The following MYCBP2 variants were observed in gnomAD, a reference collection of about 807,000 sequenced individuals.
MYCBP2 encodes the protein E3 ubiquitin-protein ligase MYCBP2.
In MYCBP2, 120 loss-of-function variants were observed where a neutral mutation model predicts 525.3. The observed-to-expected ratio is 0.23, with a 90% CI of 0.20 to 0.27. The LOEUF (loss-of-function observed/expected upper bound fraction) is 0.27. Ranked by LOEUF, MYCBP2 falls within the 10% of genes least tolerant of loss-of-function variation. MYCBP2 has a pLI of 1.00. For synonymous variants in MYCBP2, 1,894 were observed against 1,955.8 expected, an observed-to-expected ratio of 0.97 and a Z score of 0.83; for missense variants, 4,149 against 5,657.1, an observed-to-expected ratio of 0.73 and a Z score of 8.55.
chr13:77,289,513 G>GA (rs984966355), intron 2 of MYCBP2, among the ~76,000 whole-genome samples: 106 of 143,508 alleles, frequency 7.4e-4, no homozygotes, highest in African/African-American at 1.5e-3. Flanking sequence ...ATTCATGATA[G>GA]AAAAAAAAAA....
rs559513874 is a variant in MYCBP2, at chr13:77,160,089, G to A, written c.6597+1817C>T. Among the ~76,000 whole-genome samples, 156 of 143,084 alleles carry A rather than the reference G, an allele frequency of 1.1e-3. 1 individual carries two copies. The highest frequency in any genetic ancestry group is 3.6e-3 in the Middle Eastern group (1 of 278). 93.9% of individuals were successfully genotyped at this position (143,084 alleles called of 152,430 possible). On this transcript the variant is annotated intron_variant, in intron 44 of 82. Transcript: ENST00000544440. ...ACTTTTTTTTTTTTTTTTTTGAGAC[G>A]GCGTTTCACTCTTGTTGCCTGGGCT...
rs1160924844 is a variant in MYCBP2 at position 77,045,239 on chromosome 13, CCTT to C, written c.*136_*138del. On this transcript the variant is annotated 3_prime_UTR_variant, in exon 83 of 83. Transcript: ENST00000544440. ...GAATTATGTACATGGTATTTGGTAT[CCTT>C]CTTGCACTGTGAATGGTTCATTTTC... The C allele has an allele frequency of 1.9e-6, 1 of 527,394 alleles. No individual in the cohort carries two copies. Among genetic ancestry groups the C allele is most frequent in the Admixed American group, 3.6e-5 (1 of 27,604 alleles). 32.7% of individuals were successfully genotyped at this position (527,394 alleles called of 1,614,324 possible).
intron 2 of MYCBP2, 130 bp downstream of exon 2, chr13:77,296,469 A>G: frequency 4.1e-6 from 4 of 979,460 alleles, no homozygotes; most frequent in Non-Finnish European, 5.6e-6. Context: ...ACCAAATCAT[A>G]AAGGGCTTTT....
chr13:77,229,694 T>C (rs939201008), intron 18 of MYCBP2, among the ~76,000 whole-genome samples: 1 of 152,202 alleles, frequency 6.6e-6, no homozygotes, highest in African/African-American at 2.4e-5. Flanking sequence ...TATTCTTGTT[T>C]TTAAAATAAG....
chr13:77,247,714 T>C (rs528056977), intron 15 of MYCBP2, among the ~76,000 whole-genome samples: 6 of 152,242 alleles, frequency 3.9e-5, no homozygotes, highest in African/African-American at 1.4e-4. Context: ...ATAAAGACAG[T>C]CATACAGACC....
rs1354820569 is a variant in MYCBP2, at chr13:77,212,055, C to G, written c.3163G>C (p.Gly1055Arg). 6.2e-7 allele frequency: 1 copy of G among 1,614,076 alleles called. No individual in the cohort carries two copies. The highest frequency in any genetic ancestry group is 1.3e-5 in the African/African-American group (1 of 75,054). ...SKYGRKATWI[G>R]ASGDQTFLRI... is the part of the protein sequence containing the mutation. The stretch of plus-strand genomic sequence containing the variant: ...AAAAAAGTTTGGTCCCCACTTGCAC[C>G]TATCCAAGTAGCTTTTCTTCCATAT... The change falls in exon 22 of 83, where the codon GGT (glycine) becomes CGT (arginine). Residue 1055 changes from glycine (G) to arginine (R), a missense_variant. Around this residue, in one of 21 missense-constraint regions of MYCBP2, gnomAD observed 620 missense variants for 795.5 expected, o/e 0.78. Coordinates refer to ENST00000544440, the MANE Select transcript of MYCBP2 (RefSeq NM_015057.5).
chr13:77,098,419 G>T lies in MYCBP2; in HGVS notation c.8735C>A (p.Pro2912His). The change falls in exon 56 of 83, where the codon CCT becomes CAT. Residue 2912 changes from proline (P) to histidine (H), a missense_variant. Transcript: ENST00000544440. ...KSVPKDSTDS[P>H]GSENRAPSPH... ...AGAGGGAGCTCTATTTTCAGATCCA[G>T]GGGAATCTGTAGAATCCTTTGGTAC... 2.5e-6 allele frequency: 4 copies of T among 1,613,630 alleles called. No individual in the cohort carries two copies. Among genetic ancestry groups the T allele is most frequent in the Non-Finnish European group, 3.4e-6 (4 of 1,179,800 alleles).
intron 55 of MYCBP2, chr13:77,109,673 T>C (rs775009807): frequency 6.6e-6 from 1 of 151,884 alleles, no homozygotes; most frequent in Non-Finnish European, 1.5e-5. Context: ...TGAGATGCAG[T>C]TGGAAAAAAC....
At chr13:77,127,996 A>C (rs1193219974) in intron 52 of MYCBP2, among the ~76,000 whole-genome samples, 2 of 151,936 alleles carry the variant, frequency 1.3e-5, no homozygotes, top group South Asian at 4.1e-4. Context: ...CTTTGGTTAC[A>C]TATTGGAAAT....
Position 77,098,364 on chromosome 13 carries a change from A to G in MYCBP2, c.8790T>C (p.Ser2930=), listed in dbSNP as rs753627742. Residue 2930 remains serine (S), a synonymous_variant, in exon 56 of 83, where the codon AGT becomes AGC. Coordinates refer to ENST00000544440, the MANE Select transcript of MYCBP2 (RefSeq NM_015057.5). The part of the protein sequence containing the change: ...SPHVVQENLH[S]EVVEVCTSST... ...TTGAGGTGCAGACTTCGACCACCTC[A>G]CTGTGGAGGTTTTCCTGTACCACAT... is the stretch of plus-strand genomic sequence containing the variant. 4.3e-6 allele frequency: 7 copies of G among 1,613,104 alleles called. No homozygotes were observed. Among genetic ancestry groups the G allele is most frequent in the Admixed American group, 3.3e-5 (2 of 59,920 alleles).
At chr13:77,142,116 C>T (rs1204342389) in intron 49 of MYCBP2, among the ~76,000 whole-genome samples, 1 of 152,156 alleles carries the variant, frequency 6.6e-6, no homozygotes, top group Non-Finnish European at 1.5e-5. Context: ...TGAAATTTTA[C>T]CAGAATTTTT....
At chr13:77,314,238 A>G (rs1421366246) in intron 1 of MYCBP2, among the ~76,000 whole-genome samples, 3 of 152,228 alleles carry the variant, frequency 2.0e-5, no homozygotes, top group Admixed American at 1.3e-4. Flanking sequence ...CATGCTGTAC[A>G]TTATAAAAAC....
intron 57 of MYCBP2, among the ~76,000 whole-genome samples, chr13:77,095,834 C>A (rs925077475): frequency 6.6e-6 from 1 of 152,062 alleles, no homozygotes; most frequent in Non-Finnish European, 1.5e-5. Flanking sequence ...AAATTTAACA[C>A]CTAACTAGTT....
chr13:77,189,403 C>A (rs942880189), intron 29 of MYCBP2, among the ~76,000 whole-genome samples: 3 of 152,050 alleles, frequency 2.0e-5, no homozygotes, highest in Non-Finnish European at 4.4e-5. Context: ...TAGTCCAATG[C>A]AACACGTTAT....
chr13:77,140,831 T>A lies in MYCBP2; in HGVS notation c.7401+15A>T. 1.3e-6 allele frequency: 2 copies of A among 1,578,652 alleles called. No homozygotes were observed. Among genetic ancestry groups the A allele is most frequent in the Non-Finnish European group, 1.7e-6 (2 of 1,159,206 alleles). ...AAATTGAATGATTCCGGCTCTCAATTCATTCTGCCCTAACCTTATTAGGCT... is the reference window on the plus strand; with the variant it reads ...AAATTGAATGATTCCGGCTCTCAATACATTCTGCCCTAACCTTATTAGGCT... On this transcript the variant is annotated intron_variant, in intron 50 of 82. Transcript: ENST00000544440.
intron 15 of MYCBP2, among the ~76,000 whole-genome samples, chr13:77,248,709 C>T (rs1476914853): frequency 1.3e-5 from 2 of 152,060 alleles, no homozygotes; most frequent in Admixed American, 6.6e-5. Flanking sequence ...TATGGCAGTT[C>T]CTCAAAAGAT....
intron 14 of MYCBP2, among the ~76,000 whole-genome samples, chr13:77,256,286 C>T (rs555999021): frequency 3.9e-5 from 6 of 151,900 alleles, no homozygotes; most frequent in South Asian, 2.1e-4. Context: ...TAAAACATGT[C>T]GTGTAACAGC....
chr13:77,269,464 T>C (rs1258599543), intron 7 of MYCBP2, among the ~76,000 whole-genome samples: 3 of 152,086 alleles, frequency 2.0e-5, no homozygotes, highest in Non-Finnish European at 4.4e-5. Flanking sequence ...GACAAAACCC[T>C]GTCTCTACTA....
chr13:77,278,927 A>C lies in MYCBP2; in HGVS notation c.595-16T>G, dbSNP rs1450501695. The C allele has an allele frequency of 6.5e-7, 1 of 1,537,152 alleles. No homozygotes were observed. Among genetic ancestry groups the C allele is most frequent in the Non-Finnish European group, 8.7e-7 (1 of 1,142,982 alleles). On this transcript the variant is annotated splice_polypyrimidine_tract_variant and intron_variant, in intron 3 of 82. Coordinates refer to ENST00000544440, the MANE Select transcript of MYCBP2 (RefSeq NM_015057.5). ...CCTCAATAATCTATTTAAAAGGAAA[A>C]AATATATATACTTTATGACATGTAA... is the stretch of plus-strand genomic sequence containing the variant.
Sources: gnomAD v4.1 joint callset for allele counts (sites outside exome capture counted in the v4.1 genomes callset) on GRCh38, gnomAD v4.1.1 for gene constraint, gnomAD v4.1.1 regional missense constraint, MANE v1.5 for transcripts, NCBI Gene and HGNC (gene_info 2026-07-23, HGNC 2026-07-21) for gene names.